Variants in GALNT13 observed in about 807,000 individuals in gnomAD.
The protein encoded by GALNT13 is polypeptide N-acetylgalactosaminyltransferase 13.
Under a neutral mutation model 64.2 loss-of-function variants are expected in GALNT13, and 28 were observed. That is an observed-to-expected ratio of 0.44 (90% CI 0.32 to 0.60). The LOEUF is 0.60. Ranked by LOEUF, GALNT13 falls within the 20% of genes least tolerant of loss-of-function variation. GALNT13 has a pLI of 0.05. For synonymous variants in GALNT13, 214 were observed against 224.6 expected (o/e 0.95, Z 0.42); for missense variants, 577 against 669.8 (o/e 0.86, Z 1.53).
the GALNT13 span, among the ~76,000 whole-genome samples, chr2:153,103,975 C>T: frequency 6.6e-6 from 1 of 152,172 alleles, no homozygotes; most frequent in Non-Finnish European, 1.5e-5. Context: ...TATATTTTCA[C>T]TATTTCTATT....
At chr2:154,219,080 C>T (rs1270048407) in intron 4 of GALNT13, among the ~76,000 whole-genome samples, 1 of 151,980 alleles carries the variant, frequency 6.6e-6, no homozygotes, top group African/African-American at 2.4e-5. Flanking sequence ...CAAAATTAAT[C>T]ACCAAGAATC....
chr2:153,138,983 G>C, the GALNT13 span, among the ~76,000 whole-genome samples: 1 of 151,946 alleles, frequency 6.6e-6, no homozygotes, highest in Admixed American at 6.6e-5. Context: ...GAAATTTTCT[G>C]CCTGTCCCCT....
At chr2:153,341,419 A>G in the GALNT13 span, among the ~76,000 whole-genome samples, 3 of 152,322 alleles carry the variant, frequency 2.0e-5, no homozygotes, top group East Asian at 5.8e-4. Context: ...TAATTTGGAA[A>G]TGGTGTCCCT....
At chr2:153,590,906 AT>A in the GALNT13 span, among the ~76,000 whole-genome samples, 1 of 152,150 alleles carries the variant, frequency 6.6e-6, no homozygotes. Context: ...AGAAACTGGA[AT>A]GAGATAAGGA....
chr2:154,363,141 A>C (rs1201399273), intron 9 of GALNT13, among the ~76,000 whole-genome samples: 2 of 152,048 alleles, frequency 1.3e-5, no homozygotes, highest in African/African-American at 2.4e-5. Context: ...TGTTTTGCTA[A>C]CTTTTTCTCG....
the GALNT13 span, among the ~76,000 whole-genome samples, chr2:153,267,631 C>T: frequency 6.6e-6 from 1 of 152,324 alleles, no homozygotes; most frequent in South Asian, 2.1e-4. Flanking sequence ...GCTCCAGATA[C>T]ATTCAACAAT....
chr2:153,207,939 C>A, the GALNT13 span: 2 of 152,120 alleles, frequency 1.3e-5, no homozygotes, highest in East Asian at 3.8e-4. Flanking sequence ...TGTATTCATT[C>A]TTCTTTAGAA....
chr2:154,289,552 C>G (rs190023360), intron 8 of GALNT13, among the ~76,000 whole-genome samples: 1 of 145,754 alleles, frequency 6.9e-6, no homozygotes, highest in Non-Finnish European at 1.5e-5. Flanking sequence ...GAGACTTACT[C>G]ACTTTCAAGA....
the GALNT13 span, among the ~76,000 whole-genome samples, chr2:153,135,389 T>G: frequency 6.6e-6 from 1 of 152,150 alleles, no homozygotes; most frequent in Non-Finnish European, 1.5e-5. Flanking sequence ...ATAACCAAGA[T>G]GGCAGATGGA....
At chr2:154,229,248 T>C (rs1445181841) in intron 4 of GALNT13, among the ~76,000 whole-genome samples, 1 of 152,130 alleles carries the variant, frequency 6.6e-6, no homozygotes, top group African/African-American at 2.4e-5. Flanking sequence ...AATTGACAAT[T>C]TGACTTTCGT....
the GALNT13 span, among the ~76,000 whole-genome samples, chr2:153,748,941 G>A: frequency 6.6e-6 from 1 of 152,022 alleles, no homozygotes; most frequent in Admixed American, 6.6e-5. Context: ...GGGTTTTCTT[G>A]TAGTAGTTTC....
chr2:154,128,143 G>A (rs985907901), intron 3 of GALNT13, among the ~76,000 whole-genome samples: 1 of 152,054 alleles, frequency 6.6e-6, no homozygotes, highest in African/African-American at 2.4e-5. Flanking sequence ...GTGAGAAAGA[G>A]TATGTTCATT....
At chr2:153,814,766 A>T in the GALNT13 span, among the ~76,000 whole-genome samples, 1 of 152,260 alleles carries the variant, frequency 6.6e-6, no homozygotes. Context: ...CGATCTTCCA[A>T]CTCAGGCCTT....
At chr2:153,449,135 G>A in the GALNT13 span, among the ~76,000 whole-genome samples, 1 of 152,144 alleles carries the variant, frequency 6.6e-6, no homozygotes, top group Non-Finnish European at 1.5e-5. Context: ...TACAAGCCAG[G>A]AACAGAGCCC....
chr2:154,086,799 G>A (rs2105428739), intron 3 of GALNT13, among the ~76,000 whole-genome samples: 1 of 152,178 alleles, frequency 6.6e-6, no homozygotes, highest in Middle Eastern at 3.4e-3. Flanking sequence ...CACGCGATAG[G>A]ATCCAGATTG....
intron 1 of GALNT13, among the ~76,000 whole-genome samples, chr2:153,876,704 TTC>T (rs1159922065): frequency 2.0e-5 from 3 of 152,178 alleles, no homozygotes; most frequent in Admixed American, 6.5e-5. Flanking sequence ...ATCTGTGTGA[TTC>T]TGATTACTGT....
chr2:153,182,205 G>A, the GALNT13 span, among the ~76,000 whole-genome samples: 647 of 151,800 alleles, frequency 4.3e-3, 6 homozygotes, highest in African/African-American at 0.015. Flanking sequence ...CATCATACCC[G>A]GCTAATTTTT....
chr2:153,232,908 C>G, the GALNT13 span, among the ~76,000 whole-genome samples: 1 of 152,104 alleles, frequency 6.6e-6, no homozygotes, highest in Non-Finnish European at 1.5e-5. Context: ...CAGGGCTGCT[C>G]CCATCCATTA....
At chr2:153,889,605 C>T (rs1304257231) in intron 1 of GALNT13, among the ~76,000 whole-genome samples, 4 of 152,016 alleles carry the variant, frequency 2.6e-5, no homozygotes, top group African/African-American at 7.2e-5. Context: ...AATACCGATG[C>T]ACTTTTATTT....
Sources: gnomAD v4.1 joint callset for allele counts (sites outside exome capture counted in the v4.1 genomes callset) on GRCh38, gnomAD v4.1.1 for gene constraint, MANE v1.5 for transcripts, NCBI Gene and HGNC (gene_info 2026-07-23, HGNC 2026-07-21) for gene names.